The following DDR2 variants were observed in gnomAD, a reference collection of about 807,000 sequenced individuals.
DDR2 encodes the protein discoidin domain receptor tyrosine kinase 2.
In DDR2, 27 loss-of-function variants were observed where a neutral mutation model predicts 94.9. That is an observed-to-expected ratio of 0.28 (90% CI 0.21 to 0.39). DDR2 has a LOEUF of 0.39. Among genes scored for constraint, DDR2 ranks in the 10% least tolerant of loss-of-function variants. The pLI is 1.00. For missense variants in DDR2, 783 were observed against 1,076.0 expected (o/e 0.73, Z 3.81); for synonymous variants, 382 against 377.2 (o/e 1.01, Z -0.15).
At chr1:162,696,344 A>C (rs1660190523) in intron 2 of DDR2, among the ~76,000 whole-genome samples, 1 of 152,004 alleles carries the variant, frequency 6.6e-6, no homozygotes, top group African/African-American at 2.4e-5. Flanking sequence ...TTCTGAGGGA[A>C]TTGTGACCCT....
chr1:162,690,634 C>T (rs566226986), intron 2 of DDR2, among the ~76,000 whole-genome samples: 13 of 151,092 alleles, frequency 8.6e-5, no homozygotes, highest in Middle Eastern at 3.4e-3. Context: ...TCATCCTTTA[C>T]AAAACCCACA....
At chr1:162,699,245 C>T (rs1006524215) in intron 2 of DDR2, among the ~76,000 whole-genome samples, 2 of 152,192 alleles carry the variant, frequency 1.3e-5, no homozygotes, top group Non-Finnish European at 2.9e-5. Context: ...TGAAACTTAC[C>T]TTGTTAGCAT....
At chr1:162,728,380 A>G (rs962921604) in intron 3 of DDR2, among the ~76,000 whole-genome samples, 9 of 151,960 alleles carry the variant, frequency 5.9e-5, no homozygotes, top group Admixed American at 6.6e-5. Context: ...AGGCCAGGTA[A>G]AAAGAGGAAG....
chr1:162,659,443 G>C (rs1317061948), intron 2 of DDR2, among the ~76,000 whole-genome samples: 1 of 152,104 alleles, frequency 6.6e-6, no homozygotes, highest in African/African-American at 2.4e-5. Context: ...AACACAGACT[G>C]TGCTGGGCAT....
chr1:162,701,117 G>T (rs1660411347), intron 2 of DDR2, among the ~76,000 whole-genome samples: 1 of 150,962 alleles, frequency 6.6e-6, no homozygotes, highest in Non-Finnish European at 1.5e-5. Flanking sequence ...TATGTTTGTA[G>T]GTTAAAACAC....
chr1:162,674,337 A>G (rs1659026447), intron 2 of DDR2, among the ~76,000 whole-genome samples: 2 of 152,094 alleles, frequency 1.3e-5, no homozygotes, highest in African/African-American at 2.4e-5. Flanking sequence ...GTGTTCAGTA[A>G]AGCAAAAGGG....
intron 2 of DDR2, among the ~76,000 whole-genome samples, chr1:162,670,611 TA>T (rs1190376775): frequency 6.6e-6 from 1 of 152,128 alleles, no homozygotes; most frequent in East Asian, 1.9e-4. Context: ...ACAACAATGA[TA>T]AAAGAAACTG....
intron 2 of DDR2, among the ~76,000 whole-genome samples, chr1:162,673,624 A>T (rs1354956473): frequency 1.2e-3 from 180 of 150,752 alleles, no homozygotes; most frequent in African/African-American, 4.1e-3. Flanking sequence ...AGAGAGAGAG[A>T]GAGAGAGAGA....
At chr1:162,761,533 G>A in intron 9 of DDR2, 79 bp downstream of exon 9, 1 of 1,607,500 alleles carries the variant, frequency 6.2e-7, no homozygotes, top group Non-Finnish European at 8.5e-7. Context: ...CTTCTCATTA[G>A]CAGGTCTCTG....
intron 3 of DDR2, among the ~76,000 whole-genome samples, chr1:162,721,075 ATTG>A (rs1661396567): frequency 6.6e-6 from 1 of 152,000 alleles, no homozygotes; most frequent in Non-Finnish European, 1.5e-5. Flanking sequence ...CTCTCAATCA[ATTG>A]TTGATGTTTG....
At chr1:162,770,087 T>A (rs544261477) in intron 11 of DDR2, among the ~76,000 whole-genome samples, 74 of 152,068 alleles carry the variant, frequency 4.9e-4, no homozygotes, top group Non-Finnish European at 8.4e-4. Flanking sequence ...AATTAGAAGA[T>A]CAAATTCTAC....
rs1482647864 is a variant in DDR2, at chr1:162,783,629, A to G, written c.*3383A>G. On this transcript the variant is annotated 3_prime_UTR_variant, in exon 18 of 18. Transcript: ENST00000367921. ...GTCTTGAAGTAAAAGATAAATATGG[A>G]TGGAGAAAGAAGAAATTCTGGATGA... 6.6e-6 allele frequency: 1 copy of G among 152,194 alleles called. No individual in the cohort carries two copies. Among genetic ancestry groups the G allele is most frequent in the Non-Finnish European group, 1.5e-5 (1 of 68,030 alleles). The allele number at this position is 152,194 out of a possible 1,614,324, so 9.4% of individuals were successfully genotyped here. A position where few individuals can be genotyped will look rare whatever the true frequency, so the allele number is the denominator to read the frequency against.
intron 7 of DDR2, among the ~76,000 whole-genome samples, chr1:162,759,187 T>G (rs1289507769): frequency 2.6e-5 from 4 of 152,206 alleles, no homozygotes; most frequent in Non-Finnish European, 2.9e-5. Flanking sequence ...TTATTTAAAT[T>G]TAGAGCTTGT....
intron 2 of DDR2, among the ~76,000 whole-genome samples, chr1:162,707,363 A>C (rs1479803349): frequency 6.6e-6 from 1 of 152,156 alleles, no homozygotes; most frequent in African/African-American, 2.4e-5. Flanking sequence ...TTCTGAATTC[A>C]ACTCTTGCTT....
intron 9 of DDR2, among the ~76,000 whole-genome samples, chr1:162,765,310 T>C (rs955249785): frequency 2.0e-5 from 3 of 152,130 alleles, no homozygotes; most frequent in Non-Finnish European, 4.4e-5. Flanking sequence ...TCCTTATTTA[T>C]ATAATAATAT....
chr1:162,760,413 G>GAT (rs1191800148), intron 8 of DDR2, among the ~76,000 whole-genome samples: 27 of 143,582 alleles, frequency 1.9e-4, no homozygotes, highest in Admixed American at 5.6e-4. Flanking sequence ...TATACACAAT[G>GAT]ATATATATAT....
chr1:162,746,554 T>G (rs1051644065), intron 3 of DDR2, among the ~76,000 whole-genome samples: 1 of 152,202 alleles, frequency 6.6e-6, no homozygotes, highest in African/African-American at 2.4e-5. Flanking sequence ...AGGGCGTAGC[T>G]GAACAAAAGG....
intron 9 of DDR2, among the ~76,000 whole-genome samples, chr1:162,761,956 C>T (rs985816827): frequency 3.3e-5 from 5 of 152,172 alleles, no homozygotes; most frequent in African/African-American, 1.2e-4. Context: ...AATAATTGGA[C>T]TGCATCTAAG....
At chr1:162,707,024 G>A (rs760354616) in intron 2 of DDR2, among the ~76,000 whole-genome samples, 21 of 152,160 alleles carry the variant, frequency 1.4e-4, no homozygotes, top group Non-Finnish European at 2.2e-4. Flanking sequence ...TAGGGACCAG[G>A]AAAAGAATCC....
Sources: gnomAD v4.1 joint callset for allele counts (sites outside exome capture counted in the v4.1 genomes callset) on GRCh38, gnomAD v4.1.1 for gene constraint, MANE v1.5 for transcripts, NCBI Gene and HGNC (gene_info 2026-07-23, HGNC 2026-07-21) for gene names.